Variants in IGF1R observed in about 807,000 individuals in gnomAD.
IGF1R encodes the protein insulin like growth factor 1 receptor, also known as insulin-like growth factor 1 receptor.
Under a neutral mutation model 144.6 loss-of-function variants are expected in IGF1R, and 44 were observed. The observed-to-expected ratio is 0.30, with a 90% confidence interval of 0.24 to 0.39. The LOEUF (loss-of-function observed/expected upper bound fraction) is 0.39, where lower values mean the gene tolerates loss of function less well. Among genes scored for constraint, IGF1R ranks in the 10% least tolerant of loss-of-function variants. The probability of loss-of-function intolerance (pLI) is 1.00; values close to 1 mark genes in which losing one functional copy is unlikely to be tolerated. For missense variants in IGF1R, 1,355 were observed against 1,833.7 expected, an observed-to-expected ratio of 0.74 and a Z score of 4.77; for synonymous variants, 795 against 722.8, an observed-to-expected ratio of 1.10 and a Z score of -1.60.
At chr15:98,806,985 A>G (rs1373241495) in intron 2 of IGF1R, among the ~76,000 whole-genome samples, 1 of 152,040 alleles carries the variant, frequency 6.6e-6, no homozygotes, top group East Asian at 1.9e-4. Context: ...ACATGGTGAA[A>G]CCCCGTCTCA....
intron 2 of IGF1R, among the ~76,000 whole-genome samples, chr15:98,882,914 G>T (rs2013452572): frequency 1.3e-5 from 2 of 152,172 alleles, no homozygotes; most frequent in African/African-American, 4.8e-5. Context: ...TGACTAACCA[G>T]CCCTGCTGTG....
intron 4 of IGF1R, among the ~76,000 whole-genome samples, chr15:98,899,244 C>CT: frequency 6.6e-6 from 1 of 152,236 alleles, no homozygotes; most frequent in East Asian, 1.9e-4. Context: ...GCTGCAGTAC[C>CT]CCCCAGCCTC....
At chr15:98,674,958 T>C (rs922539247) in intron 1 of IGF1R, among the ~76,000 whole-genome samples, 2 of 149,084 alleles carry the variant, frequency 1.3e-5, no homozygotes, top group Non-Finnish European at 3.0e-5. Context: ...CTATAAATGC[T>C]AAATTTAGGT....
chr15:98,705,102 T>C (rs1014706364), intron 1 of IGF1R, among the ~76,000 whole-genome samples: 1 of 152,046 alleles, frequency 6.6e-6, no homozygotes, highest in Non-Finnish European at 1.5e-5. Context: ...TTTGATCATA[T>C]CTAGAGTATG....
intron 2 of IGF1R, among the ~76,000 whole-genome samples, chr15:98,820,371 T>C (rs2056779112): frequency 6.6e-6 from 1 of 152,208 alleles, no homozygotes; most frequent in East Asian, 1.9e-4. Flanking sequence ...ACAATTTAAA[T>C]AATTTTTAAA....
intron 12 of IGF1R, 42 bp downstream of exon 12, chr15:98,924,054 C>T: frequency 1.3e-6 from 2 of 1,587,046 alleles, no homozygotes; most frequent in Non-Finnish European, 1.7e-6. Flanking sequence ...GTACTTCCAT[C>T]CATTGACAGC....
At chr15:98,735,162 C>T (rs1190344174) in intron 2 of IGF1R, among the ~76,000 whole-genome samples, 2 of 152,176 alleles carry the variant, frequency 1.3e-5, no homozygotes, top group Non-Finnish European at 2.9e-5. Flanking sequence ...GAGGTGACCA[C>T]CCCTCGTTTC....
rs985766478 is a variant in IGF1R at position 98,809,539 on chromosome 15, C to T, written c.641-81786C>T. ...GAACCACCGCAGTGAACTGGCAGCG[C>T]GTTGGCATTTTTCCCTCCATGTTTT... On this transcript the variant is annotated intron_variant, in intron 2 of 20. Coordinates refer to ENST00000650285, the MANE Select transcript of IGF1R (RefSeq NM_000875.5). 9.2e-5 allele frequency among the ~76,000 whole-genome samples: 14 copies of T among 152,266 alleles called. No individual in the cohort carries two copies. The East Asian group carries it at 2.7e-3, about 29-fold the overall frequency.
rs368709123 is a variant in IGF1R, at chr15:98,711,389, C to G, written c.640+3282C>G. Among the ~76,000 whole-genome samples the G allele has an allele frequency of 2.0e-5, 3 of 152,294 alleles. No homozygotes were observed. In the South Asian group the frequency reaches 6.2e-4, roughly 32 times the overall value. The stretch of plus-strand genomic sequence containing the variant: ...TTGTCGTGCTGTTGCGCGGTTTTCA[C>G]TTGGCACTGTCCTTTAAACTCCTTC... On this transcript the variant is annotated intron_variant, in intron 2 of 20. Coordinates refer to ENST00000650285, the MANE Select transcript of IGF1R (RefSeq NM_000875.5).
intron 19 of IGF1R, among the ~76,000 whole-genome samples, chr15:98,946,030 C>T (rs987384069): frequency 5.9e-5 from 9 of 151,794 alleles, no homozygotes; most frequent in African/African-American, 1.9e-4. Context: ...ATGACGATGA[C>T]GACGATGACA....
chr15:98,729,367 T>G (rs2054442869), intron 2 of IGF1R, among the ~76,000 whole-genome samples: 1 of 152,216 alleles, frequency 6.6e-6, no homozygotes, highest in African/African-American at 2.4e-5. Context: ...TTATTTTTCA[T>G]GGAAAGGAAC....
chr15:98,875,883 A>G (rs970625029), intron 2 of IGF1R, among the ~76,000 whole-genome samples: 2 of 152,104 alleles, frequency 1.3e-5, no homozygotes, highest in African/African-American at 4.8e-5. Flanking sequence ...GGGGCATAGG[A>G]TGGATGACAG....
chr15:98,753,803 T>C (rs567435054), intron 2 of IGF1R, among the ~76,000 whole-genome samples: 173 of 152,356 alleles, frequency 1.1e-3, no homozygotes, highest in Non-Finnish European at 2.3e-3. Context: ...AAATGTGAGA[T>C]ACAAAGATGT....
chr15:98,718,857 C>G lies in IGF1R; in HGVS notation c.640+10750C>G, dbSNP rs1307660737. Among the ~76,000 whole-genome samples the G allele has an allele frequency of 2.6e-5, 4 of 152,094 alleles. No homozygotes were observed. The East Asian group carries it at 7.7e-4, about 29-fold the overall frequency. On this transcript the variant is annotated intron_variant, in intron 2 of 20. Transcript: ENST00000650285. ...TGTTTGAATTAGGATCACCCCCACC[C>G]CCACCTCCCAGAGGTATTAGTTGTA...
rs530570099 is a variant in IGF1R, at chr15:98,963,296, G to A, written c.*5854G>A. ...AAAGGATTTCTCCCTGACCCCATCC[G>A]TGGTTCACCCTCTTTTCCCCCCATG... On this transcript the variant is annotated 3_prime_UTR_variant, in exon 21 of 21. Coordinates refer to ENST00000650285, the MANE Select transcript of IGF1R (RefSeq NM_000875.5). The A allele has an allele frequency of 4.1e-4, 94 of 231,258 alleles. No homozygotes were observed. Among genetic ancestry groups the A allele is most frequent in the African/African-American group, 1.8e-3 (81 of 44,646 alleles). 14.3% of individuals were successfully genotyped at this position (231,258 alleles called of 1,614,324 possible).
intron 2 of IGF1R, among the ~76,000 whole-genome samples, chr15:98,794,261 C>G (rs972711426): frequency 1.3e-5 from 2 of 152,170 alleles, no homozygotes; most frequent in Non-Finnish European, 2.9e-5. Context: ...AGATGGCCCT[C>G]AAAGGTACTT....
At chr15:98,944,563 C>T (rs1383668870) in intron 19 of IGF1R, among the ~76,000 whole-genome samples, 1 of 152,140 alleles carries the variant, frequency 6.6e-6, no homozygotes, top group Non-Finnish European at 1.5e-5. Flanking sequence ...CTGTCCCTCT[C>T]AAAAGAATGG....
intron 7 of IGF1R, 93 bp from the exon 8 acceptor site, chr15:98,912,951 A>G (rs1182512357): frequency 6.2e-6 from 5 of 810,696 alleles, no homozygotes; most frequent in Non-Finnish European, 1.1e-5. Context: ...ACCTCCCATT[A>G]TAGAAAGTGT....
In IGF1R at chr15:98,957,503, G is replaced by A. The variant is rs760763476; in HGVS notation, c.*61G>A. 1.9e-6 allele frequency: 3 copies of A among 1,604,228 alleles called. No homozygotes were observed. Among genetic ancestry groups the A allele is most frequent in the Non-Finnish European group, 2.6e-6 (3 of 1,174,392 alleles). ...TGCGCACGCGCAGCGGGGTGGGGGG[G>A]GAGAGAGAGTTTTAACAATCCATTC... On this transcript the variant is annotated 3_prime_UTR_variant, in exon 21 of 21. Transcript: ENST00000650285.
Sources: allele counts gnomAD v4.1 joint callset (sites outside exome capture counted in the v4.1 genomes callset), GRCh38; gene constraint gnomAD v4.1.1; transcripts MANE v1.5; gene names NCBI Gene and HGNC (gene_info 2026-07-23, HGNC 2026-07-21).